The following GALNTL6 variants were observed in gnomAD, a reference collection of about 807,000 sequenced individuals.
The protein encoded by GALNTL6 is polypeptide N-acetylgalactosaminyltransferase like 6, also known as polypeptide N-acetylgalactosaminyltransferase-like 6.
A neutral mutation model predicts 73.7 loss-of-function variants in GALNTL6; 46 were observed. That is an observed-to-expected ratio of 0.62 (90% confidence interval 0.49 to 0.80). GALNTL6 has a LOEUF of 0.80. GALNTL6 is among the 30% of genes least tolerant of loss of function. The probability of loss-of-function intolerance (pLI) is 0.00; values close to 1 mark genes in which losing one functional copy is unlikely to be tolerated. For missense variants in GALNTL6, 604 were observed against 755.0 expected, an observed-to-expected ratio of 0.80 and a Z score of 2.34; for synonymous variants, 259 against 263.7, an observed-to-expected ratio of 0.98 and a Z score of 0.17.
intron 5 of GALNTL6, among the ~76,000 whole-genome samples, chr4:172,703,223 A>C (rs1304369804): frequency 6.6e-6 from 1 of 151,972 alleles, no homozygotes; most frequent in Non-Finnish European, 1.5e-5. Context: ...TACAACTTTC[A>C]ATACTATGTT....
At chr4:172,546,784 T>TTA (rs750450265) in intron 5 of GALNTL6, among the ~76,000 whole-genome samples, 23 of 16,336 alleles carry the variant, frequency 1.4e-3, no homozygotes, top group South Asian at 4.9e-3. Context: ...CAACTCCGCT[T>TTA]TATATATATA....
At chr4:172,123,446 A>C (rs1733206593) in intron 2 of GALNTL6, among the ~76,000 whole-genome samples, 1 of 151,980 alleles carries the variant, frequency 6.6e-6, no homozygotes, top group Admixed American at 6.6e-5. Context: ...AGTTTTCTTA[A>C]ATTTGGAAAA....
intron 2 of GALNTL6, among the ~76,000 whole-genome samples, chr4:171,956,519 C>T (rs554595040): frequency 3.3e-5 from 5 of 152,222 alleles, no homozygotes; most frequent in Admixed American, 3.3e-4. Flanking sequence ...GCTGCCAATA[C>T]GTTTAGCAAA....
At chr4:172,740,219 A>T (rs1254170523) in intron 5 of GALNTL6, among the ~76,000 whole-genome samples, 1 of 152,152 alleles carries the variant, frequency 6.6e-6, no homozygotes, top group Admixed American at 6.6e-5. Flanking sequence ...CCATTCAGAA[A>T]AACAGACACC....
intron 5 of GALNTL6, among the ~76,000 whole-genome samples, chr4:172,753,169 C>T (rs999353172): frequency 6.6e-6 from 1 of 152,094 alleles, no homozygotes; most frequent in African/African-American, 2.4e-5. Flanking sequence ...GTCAGTAAGT[C>T]TCATGAGATC....
chr4:172,987,272 G>A (rs1197033831), intron 10 of GALNTL6, among the ~76,000 whole-genome samples: 2 of 152,234 alleles, frequency 1.3e-5, no homozygotes, highest in Non-Finnish European at 1.5e-5. Context: ...ATGGTGGAAG[G>A]GAAAGCAAAC....
chr4:172,770,772 T>C (rs1579459250), intron 5 of GALNTL6, among the ~76,000 whole-genome samples: 1 of 152,292 alleles, frequency 6.6e-6, no homozygotes, highest in East Asian at 1.9e-4. Context: ...ATTTCTAAAG[T>C]AAGCTAAGTA....
rs1744333412 is a variant in GALNTL6 at position 172,860,345 on chromosome 4, A to G, written c.924-22445A>G. 2.0e-5 allele frequency among the ~76,000 whole-genome samples: 3 copies of G among 152,150 alleles called. No homozygotes were observed. The South Asian group carries it at 6.2e-4, about 32-fold the overall frequency. On this transcript the variant is annotated intron_variant, in intron 7 of 12. Coordinates refer to ENST00000506823, the MANE Select transcript of GALNTL6 (RefSeq NM_001034845.3). ...TGAAAATTAGACAGCTTTTGTTTTT[A>G]AGAAAATTGAGTGCAAGCATAATGA...
At chr4:172,092,634 T>G (rs1354629) in intron 2 of GALNTL6, among the ~76,000 whole-genome samples, 147,746 of 152,090 alleles carry the variant, frequency 0.97, 71,899 homozygotes, top group East Asian at 1. Flanking sequence ...ATAAATAAAA[T>G]ATTTCAAAAC....
At position 173,011,214 on chromosome 4, in the gene GALNTL6, T is replaced by A. The variant is rs142025638; in HGVS notation, c.1488+1920T>A. 4.1e-3 allele frequency among the ~76,000 whole-genome samples: 623 copies of A among 152,318 alleles called. 3 individuals carry two copies. The highest frequency in any genetic ancestry group is 0.014 in the African/African-American group (592 of 41,568). The stretch of plus-strand genomic sequence containing the variant: ...ATTTTTAATCAAATTATTAGGTTTT[T>A]TACATAGAGTTGTTTGAGCTCCTTA... On this transcript the variant is annotated intron_variant, in intron 11 of 12. Transcript: ENST00000506823.
chr4:172,729,473 C>G (rs941060044), intron 5 of GALNTL6, among the ~76,000 whole-genome samples: 1 of 152,116 alleles, frequency 6.6e-6, no homozygotes, highest in African/African-American at 2.4e-5. Flanking sequence ...TTTCCCAGCA[C>G]CACTTATTGA....
At chr4:172,324,855 A>C (rs2111170229) in intron 4 of GALNTL6, among the ~76,000 whole-genome samples, 1 of 151,240 alleles carries the variant, frequency 6.6e-6, no homozygotes, top group African/African-American at 2.4e-5. Context: ...TATATAGCTT[A>C]GAAAATATTT....
At chr4:172,395,647 T>G (rs1397084765) in intron 5 of GALNTL6, among the ~76,000 whole-genome samples, 2 of 152,134 alleles carry the variant, frequency 1.3e-5, no homozygotes, top group Non-Finnish European at 2.9e-5. Context: ...TCTATAGAAG[T>G]CTGACTTAAT....
chr4:172,462,653 T>C (rs1732660303), intron 5 of GALNTL6, among the ~76,000 whole-genome samples: 1 of 152,192 alleles, frequency 6.6e-6, no homozygotes, highest in African/African-American at 2.4e-5. Context: ...AATCCCTGGA[T>C]TGCAAGTTTC....
intron 5 of GALNTL6, among the ~76,000 whole-genome samples, chr4:172,543,204 T>C (rs1191835210): frequency 6.6e-6 from 1 of 152,172 alleles, no homozygotes; most frequent in East Asian, 1.9e-4. Flanking sequence ...ATCCCACCCT[T>C]TTCTATAGCC....
intron 3 of GALNTL6, among the ~76,000 whole-genome samples, chr4:172,297,895 A>G (rs1739744422): frequency 1.3e-5 from 2 of 152,142 alleles, no homozygotes; most frequent in African/African-American, 4.8e-5. Context: ...GAAGAAAGTC[A>G]TTGGTAGCTT....
chr4:172,083,930 G>C (rs1344915371), intron 2 of GALNTL6, among the ~76,000 whole-genome samples: 1 of 152,164 alleles, frequency 6.6e-6, no homozygotes, highest in Non-Finnish European at 1.5e-5. Flanking sequence ...GAGGAATGAG[G>C]AGTAAGCGTG....
At chr4:172,140,993 C>T (rs1733785121) in intron 2 of GALNTL6, among the ~76,000 whole-genome samples, 1 of 152,078 alleles carries the variant, frequency 6.6e-6, no homozygotes, top group African/African-American at 2.4e-5. Flanking sequence ...GCAAGTCCTT[C>T]TGGCTTCTGT....
chr4:172,882,781 A>G lies in GALNTL6; in HGVS notation c.924-9A>G, dbSNP rs371483306. 2.5e-5 allele frequency: 38 copies of G among 1,546,780 alleles called. No individual in the cohort carries two copies. Among genetic ancestry groups the G allele is most frequent in the Non-Finnish European group, 3.2e-5 (36 of 1,119,214 alleles). On this transcript the variant is annotated splice_polypyrimidine_tract_variant and intron_variant, in intron 7 of 12. Transcript: ENST00000506823. ...TAGTCCTTTAAAGATTATTTTGTTC[A>G]TTTCACAGGTCTCCTGTTATGGCTG...
Sources: allele counts gnomAD v4.1 joint callset (sites outside exome capture counted in the v4.1 genomes callset), GRCh38; gene constraint gnomAD v4.1.1; transcripts MANE v1.5; gene names NCBI Gene and HGNC (gene_info 2026-07-23, HGNC 2026-07-21).